The following NIPBL variants were observed in gnomAD, a reference collection of about 807,000 sequenced individuals.
NIPBL encodes the protein nipped-B-like protein.
A neutral mutation model predicts 321.8 loss-of-function variants in NIPBL; 19 were observed. That is an observed-to-expected ratio of 0.06 (90% CI 0.04 to 0.09). NIPBL has a LOEUF of 0.09. Among genes scored for constraint, NIPBL ranks in the 10% least tolerant of loss-of-function variants. The probability of loss-of-function intolerance (pLI) is 1.00; values close to 1 mark genes in which losing one functional copy is unlikely to be tolerated. For synonymous variants in NIPBL, 1,106 were observed against 1,114.1 expected (o/e 0.99, Z 0.14); for missense variants, 2,210 against 3,327.0 (o/e 0.66, Z 8.26).
intron 44 of NIPBL, among the ~76,000 whole-genome samples, chr5:37,060,384 G>A (rs1754543059): frequency 6.6e-6 from 1 of 152,172 alleles, no homozygotes. Context: ...TGGTAGTCTT[G>A]AACTCCTGGC....
Position 36,900,948 on chromosome 5 carries a change from T to C in NIPBL, c.-80+23770T>C, listed in dbSNP as rs544218283. On this transcript the variant is annotated intron_variant, in intron 1 of 46. Coordinates refer to ENST00000282516, the MANE Select transcript of NIPBL (RefSeq NM_133433.4). ...CCCTTTTCTATCCACTCCCTTTTTTTCCCCAGCCTTTATTTTAGATTCCAG... is the reference window on the plus strand; with the variant it reads ...CCCTTTTCTATCCACTCCCTTTTTTCCCCCAGCCTTTATTTTAGATTCCAG... Among the ~76,000 whole-genome samples the C allele has an allele frequency of 5.3e-5, 8 of 152,322 alleles. No homozygotes were observed. In the South Asian group the frequency reaches 8.3e-4, roughly 16 times the overall value.
intron 1 of NIPBL, among the ~76,000 whole-genome samples, chr5:36,948,653 A>C (rs547731477): frequency 6.6e-6 from 1 of 152,044 alleles, no homozygotes; most frequent in East Asian, 1.9e-4. Flanking sequence ...TTTTGAAAAG[A>C]AAGGTTATGA....
At position 36,961,830 on chromosome 5, in the gene NIPBL, G is replaced by A. The variant is rs200277201; in HGVS notation, c.458+247G>A. ...GACAAAAAATGTTAAAATAACTAAT[G>A]TGTTTGAGATAAGAAGATTTACGGA... On this transcript the variant is annotated intron_variant, in intron 5 of 46. Coordinates refer to ENST00000282516, the MANE Select transcript of NIPBL (RefSeq NM_133433.4). Among the ~76,000 whole-genome samples, 46 of 152,284 alleles carry A rather than the reference G, an allele frequency of 3.0e-4. No individual in the cohort carries two copies. The East Asian group carries it at 8.7e-3, about 29-fold the overall frequency.
intron 29 of NIPBL, among the ~76,000 whole-genome samples, chr5:37,024,034 A>G (rs974404789): frequency 7.2e-5 from 11 of 151,862 alleles, no homozygotes; most frequent in African/African-American, 2.7e-4. Flanking sequence ...GCGTGGTGGT[A>G]TGCACCTGTA....
At chr5:36,909,711 C>T (rs1747901196) in intron 1 of NIPBL, among the ~76,000 whole-genome samples, 1 of 151,946 alleles carries the variant, frequency 6.6e-6, no homozygotes, top group East Asian at 1.9e-4. Flanking sequence ...ACATGCTATA[C>T]GTTTATTATT....
intron 1 of NIPBL, among the ~76,000 whole-genome samples, chr5:36,936,003 G>A (rs1445321138): frequency 6.6e-6 from 1 of 152,074 alleles, no homozygotes; most frequent in Non-Finnish European, 1.5e-5. Flanking sequence ...TGGCAAAGAC[G>A]CTTTTTCCAA....
rs546236313 is a variant in NIPBL, at chr5:36,930,668, C to T, written c.-79-22950C>T. Among the ~76,000 whole-genome samples, 17 of 152,130 alleles carry T rather than the reference C, an allele frequency of 1.1e-4. No homozygotes were observed. In the South Asian group the frequency reaches 2.9e-3, roughly 26 times the overall value. On this transcript the variant is annotated intron_variant, in intron 1 of 46. Transcript: ENST00000282516. The stretch of plus-strand genomic sequence containing the variant: ...GTTTTTCTCCTGATAGGGAAGTTAG[C>T]TGTAGAATTTTCATAGATGCTCTTT...
chr5:36,877,229 G>C (rs1056536849), intron 1 of NIPBL, 51 bp downstream of exon 1: 1 of 187,050 alleles, frequency 5.3e-6, no homozygotes, highest in African/African-American at 2.3e-5. Flanking sequence ...GCCGGCGCCA[G>C]GTCCTCAGCG....
intron 4 of NIPBL, 71 bp downstream of exon 4, chr5:36,958,302 T>C: frequency 6.6e-7 from 1 of 1,504,194 alleles, no homozygotes; most frequent in South Asian, 1.1e-5. Context: ...GTGTCTTCTT[T>C]AACAAGCTGG....
chr5:37,050,319 C>T (rs1416635631), intron 40 of NIPBL, among the ~76,000 whole-genome samples: 5 of 151,882 alleles, frequency 3.3e-5, no homozygotes. Flanking sequence ...CAAAAATTAG[C>T]CAGGTGTGGT....
chr5:36,891,343 C>T (rs763021034), intron 1 of NIPBL, among the ~76,000 whole-genome samples: 41 of 152,138 alleles, frequency 2.7e-4, no homozygotes, highest in Admixed American at 8.5e-4. Flanking sequence ...GACAGGTAAA[C>T]AGAGATTATG....
intron 2 of NIPBL, among the ~76,000 whole-genome samples, chr5:36,954,129 A>G (rs999904446): frequency 2.3e-4 from 35 of 152,192 alleles, no homozygotes; most frequent in Non-Finnish European, 5.9e-5. Flanking sequence ...TCCTTGAATA[A>G]TGATACAAAA....
At chr5:36,927,306 G>A (rs764092372) in intron 1 of NIPBL, among the ~76,000 whole-genome samples, 2 of 152,126 alleles carry the variant, frequency 1.3e-5, no homozygotes, top group Admixed American at 6.5e-5. Flanking sequence ...TATCAAGGCG[G>A]ATTTTTGGTT....
intron 10 of NIPBL, among the ~76,000 whole-genome samples, chr5:36,989,839 CAAAAAAAAAAAA>C (rs374278669): frequency 2.7e-5 from 2 of 73,452 alleles, no homozygotes; most frequent in African/African-American, 5.8e-5. Context: ...ACTCTGTCTC[CAAAAAAAAAAAA>C]AAAAAAAAAA....
intron 1 of NIPBL, among the ~76,000 whole-genome samples, chr5:36,928,833 G>T (rs1041534327): frequency 1.3e-5 from 2 of 152,058 alleles, no homozygotes; most frequent in African/African-American, 4.8e-5. Context: ...ATGACATAAC[G>T]TATCAGTATT....
chr5:36,919,117 T>C (rs1022137918), intron 1 of NIPBL, among the ~76,000 whole-genome samples: 17 of 152,190 alleles, frequency 1.1e-4, no homozygotes, highest in Non-Finnish European at 1.8e-4. Flanking sequence ...CTCCTCCTTG[T>C]ACCTCTGGTA....
chr5:37,022,784 G>A (rs1020067635), intron 29 of NIPBL, among the ~76,000 whole-genome samples: 15 of 152,116 alleles, frequency 9.9e-5, no homozygotes, highest in African/African-American at 3.6e-4. Flanking sequence ...CAGAACGTTG[G>A]TACCTGACAA....
rs587784001 is a variant in NIPBL, at chr5:37,044,630, T to C, written c.6250-6T>C. 4 of 1,611,450 alleles carry C rather than the reference T, an allele frequency of 2.5e-6. No individual in the cohort carries two copies. The highest frequency in any genetic ancestry group is 3.4e-6 in the Non-Finnish European group (4 of 1,177,724). On this transcript the variant is annotated splice_polypyrimidine_tract_variant and splice_region_variant and intron_variant, in intron 35 of 46. Transcript: ENST00000282516. ...CTTTTATCTAAACATTTTCTATATC[T>C]TTTAGGTAGTGCAACATTGTGTGAG...
chr5:37,039,498 G>A (rs1032332277), intron 34 of NIPBL, among the ~76,000 whole-genome samples: 8 of 152,056 alleles, frequency 5.3e-5, no homozygotes, highest in East Asian at 1.9e-4. Context: ...AGTGAGTTAC[G>A]TGGTTTACAT....
Sources: allele counts gnomAD v4.1 joint callset (sites outside exome capture counted in the v4.1 genomes callset), GRCh38; gene constraint gnomAD v4.1.1; transcripts MANE v1.5; gene names NCBI Gene and HGNC (gene_info 2026-07-23, HGNC 2026-07-21).